The following ZKSCAN5 variants were observed in gnomAD, a reference collection of about 807,000 sequenced individuals.
ZKSCAN5 encodes the protein zinc finger with KRAB and SCAN domains 5.
A neutral mutation model predicts 60.0 loss-of-function variants in ZKSCAN5; 28 were observed. The observed-to-expected ratio is 0.47, with a 90% CI of 0.35 to 0.64. The LOEUF (loss-of-function observed/expected upper bound fraction) is 0.64. ZKSCAN5 is among the 30% of genes least tolerant of loss of function. The pLI, the probability that ZKSCAN5 is intolerant of heterozygous loss-of-function variation, is 0.01. For synonymous variants in ZKSCAN5, 361 were observed against 371.2 expected (o/e 0.97, Z 0.31); for missense variants, 881 against 1,034.6 (o/e 0.85, Z 2.04).
chr7:99,532,188 T>G lies in ZKSCAN5; in HGVS notation c.2459T>G (p.Leu820Arg). The G allele has an allele frequency of 6.2e-7, 1 of 1,612,476 alleles. No individual in the cohort carries two copies. The highest frequency in any genetic ancestry group is 1.3e-5 in the African/African-American group (1 of 75,022). The part of the protein sequence containing the change: ...FSWSCSLFKH[L>R]RSHERTDPIN... ...TGGAGTTGTAGCCTCTTTAAACACC[T>G]GAGAAGCCATGAGAGGACAGATCCC... Residue 820 changes from leucine to arginine, a missense_variant, in exon 7 of 7, where the codon CTG (leucine) becomes CGG (arginine). Physicochemically the swap from Leu to Arg is moderately radical, Grantham distance 102 (BLOSUM62 -2). Around this residue, in one of 5 missense-constraint regions of ZKSCAN5, gnomAD observed 138 missense variants for 143.8 expected, o/e 0.96. Transcript: ENST00000326775.
At chr7:99,522,513 G>T (rs1473467660) in intron 5 of ZKSCAN5, among the ~76,000 whole-genome samples, 3 of 149,926 alleles carry the variant, frequency 2.0e-5, no homozygotes, top group African/African-American at 7.4e-5. Flanking sequence ...TCGCTCTGTT[G>T]CCCAGGGAGC....
intron 6 of ZKSCAN5, among the ~76,000 whole-genome samples, chr7:99,530,419 T>C (rs1166633333): frequency 6.6e-6 from 1 of 152,202 alleles, no homozygotes; most frequent in Non-Finnish European, 1.5e-5. Context: ...TGATGATTAG[T>C]GATGTTCAGC....
chr7:99,504,830 G>C (rs1029844962), intron 1 of ZKSCAN5, 97 bp downstream of exon 1: 1 of 152,448 alleles, frequency 6.6e-6, no homozygotes, highest in African/African-American at 2.4e-5. Flanking sequence ...TTTGCGGGCT[G>C]TCAGCAAGGT....
At position 99,531,791 on chromosome 7, in the gene ZKSCAN5, A is replaced by G. The variant is rs1367074902; in HGVS notation, c.2062A>G (p.Asn688Asp). ...EHQVLHMGQK[N>D]EKNGICEEAY... ...TCAGGTGCTCCACATGGGTCAGAAA[A>G]ATGAAAAAAATGGCATCTGTGAGGA... is the stretch of plus-strand genomic sequence containing the variant. The change falls in exon 7 of 7, where the codon AAT (asparagine) becomes GAT (aspartate). Residue 688 changes from asparagine to aspartate, a missense_variant. Physicochemically the swap from Asn to Asp is conservative, Grantham distance 23 (BLOSUM62 1). This residue lies in a region of ZKSCAN5 where 112 missense variants were observed against 182.4 expected (regional missense o/e 0.61). Transcript: ENST00000326775. 1.9e-6 allele frequency: 3 copies of G among 1,614,170 alleles called. No individual in the cohort carries two copies. The highest frequency in any genetic ancestry group is 2.2e-5 in the South Asian group (2 of 91,078).
Position 99,505,747 on chromosome 7 carries a change from G to A in ZKSCAN5, c.-40-258G>A, listed in dbSNP as rs571027331. 7.9e-4 allele frequency: 215 copies of A among 271,424 alleles called. 4 individuals carry two copies. Among genetic ancestry groups the A allele is most frequent in the African/African-American group, 4.6e-3 (211 of 45,946 alleles). The allele number at this position is 271,424 out of a possible 1,614,324, so 16.8% of individuals were successfully genotyped here. On this transcript the variant is annotated intron_variant, in intron 1 of 6. Coordinates refer to ENST00000326775, the MANE Select transcript of ZKSCAN5 (RefSeq NM_145102.4). ...TAAAACTGTGTTTTAGGTTGGGCCT[G>A]ATGTCAGATTTGTATGGCTCTCTTT...
intron 3 of ZKSCAN5, among the ~76,000 whole-genome samples, chr7:99,512,979 C>A (rs1212957706): frequency 2.1e-5 from 2 of 94,072 alleles, no homozygotes. Context: ...CCTCCCCCCT[C>A]CCCCCACCCC....
rs753537333 is a variant in ZKSCAN5 at position 99,531,580 on chromosome 7, G to T, written c.1851G>T (p.Arg617Ser). The change falls in exon 7 of 7, where the codon AGG becomes AGT. Residue 617 changes from arginine (R) to serine (S), a missense_variant. Coordinates refer to ENST00000326775, the MANE Select transcript of ZKSCAN5 (RefSeq NM_145102.4). ...TATGTGGGAAAGCCTTCAGAGTGAG[G>T]TCCCACCTTGTTCAGCATCAGAGCG... ...CPLCGKAFRV[R>S]SHLVQHQSVH... The T allele has an allele frequency of 4.3e-6, 7 of 1,614,156 alleles. No individual in the cohort carries two copies. Among genetic ancestry groups the T allele is most frequent in the Non-Finnish European group, 5.9e-6 (7 of 1,180,032 alleles).
At chr7:99,512,890 A>C (rs1483621128) in intron 3 of ZKSCAN5, among the ~76,000 whole-genome samples, 1 of 151,574 alleles carries the variant, frequency 6.6e-6, no homozygotes, top group Non-Finnish European at 1.5e-5. Flanking sequence ...GGTTAGTTAC[A>C]TATGTATACA....
chr7:99,521,742 GAAA>G, intron 5 of ZKSCAN5, among the ~76,000 whole-genome samples: 1 of 150,924 alleles, frequency 6.6e-6, no homozygotes, highest in African/African-American at 2.4e-5. Context: ...AATTTTTGTG[GAAA>G]AAAATCAAAT....
intron 3 of ZKSCAN5, among the ~76,000 whole-genome samples, chr7:99,515,251 G>A (rs1334368087): frequency 6.7e-6 from 1 of 149,514 alleles, no homozygotes; most frequent in Non-Finnish European, 1.5e-5. Context: ...CTAAAAATAT[G>A]CAACAATTAT....
chr7:99,527,527 C>T (rs116485679), intron 6 of ZKSCAN5, among the ~76,000 whole-genome samples: 1,948 of 151,992 alleles, frequency 0.013, 38 homozygotes, highest in African/African-American at 0.045. Flanking sequence ...ATTAAGCGTA[C>T]ACATTTTCCA....
At chr7:99,520,857 G>A (rs757099470) in intron 5 of ZKSCAN5, among the ~76,000 whole-genome samples, 2 of 152,080 alleles carry the variant, frequency 1.3e-5, no homozygotes, top group African/African-American at 4.8e-5. Context: ...AAAATCAGCC[G>A]GGCGTGGTGG....
Position 99,531,158 on chromosome 7 carries a change from T to A in ZKSCAN5, c.1429T>A (p.Ser477Thr), listed in dbSNP as rs1375917061. 6 of 1,604,156 alleles carry A rather than the reference T, an allele frequency of 3.7e-6. No individual in the cohort carries two copies. Among genetic ancestry groups the A allele is most frequent in the Non-Finnish European group, 4.2e-6 (5 of 1,177,558 alleles). ...AAAATTAAGTGTTAAGAAGAAAATT[T>A]CAGAATATTCAGAAGCAGACATGGA... ...NTKLSVKKKI[S>T]EYSEADMELS... The change falls in exon 7 of 7, where the codon TCA (serine) becomes ACA (threonine). Residue 477 changes from serine to threonine, a missense_variant. This residue lies in a region of ZKSCAN5 where 490 missense variants were observed against 554.5 expected (regional missense o/e 0.88). Coordinates refer to ENST00000326775, the MANE Select transcript of ZKSCAN5 (RefSeq NM_145102.4).
chr7:99,509,895 G>A (rs1800940221), intron 2 of ZKSCAN5, among the ~76,000 whole-genome samples: 1 of 152,030 alleles, frequency 6.6e-6, no homozygotes, highest in Non-Finnish European at 1.5e-5. Context: ...AGTTGTAAGC[G>A]TTATTTATCC....
chr7:99,532,345 C>T lies in ZKSCAN5; in HGVS notation c.*96C>T. The T allele has an allele frequency of 8.3e-7, 1 of 1,199,420 alleles. No homozygotes were observed. The highest frequency in any genetic ancestry group is 1.1e-6 in the Non-Finnish European group (1 of 873,126). The allele number at this position is 1,199,420 out of a possible 1,614,324, so 74.3% of individuals were successfully genotyped here. On this transcript the variant is annotated 3_prime_UTR_variant, in exon 7 of 7. Coordinates refer to ENST00000326775, the MANE Select transcript of ZKSCAN5 (RefSeq NM_145102.4). ...TCAAGCATTTTTCCAGCGTTACCAT[C>T]AAACTCACAAATAGGTTGAAATCCT...
intron 3 of ZKSCAN5, among the ~76,000 whole-genome samples, chr7:99,513,026 G>A (rs1480467722): frequency 7.8e-6 from 1 of 128,288 alleles, no homozygotes; most frequent in African/African-American, 3.1e-5. Flanking sequence ...CCCTTCCTGT[G>A]TCCATGTGTT....
chr7:99,533,736 T>G lies in ZKSCAN5; in HGVS notation c.*1487T>G. ...GGCCAAGCTAGACTTTTTCTGAGCC[T>G]TCATCCGTGCTAAGCTCTCTCCCTT... On this transcript the variant is annotated 3_prime_UTR_variant, in exon 7 of 7. Transcript: ENST00000326775. 1 of 398,486 alleles carries G rather than the reference T, an allele frequency of 2.5e-6. No homozygotes were observed. The highest frequency in any genetic ancestry group is 4.4e-6 in the Non-Finnish European group (1 of 226,296). 24.7% of individuals were successfully genotyped at this position (398,486 alleles called of 1,614,324 possible). A position where few individuals can be genotyped will look rare whatever the true frequency, so the allele number is the denominator to read the frequency against.
chr7:99,530,631 G>T (rs116324982), intron 6 of ZKSCAN5, among the ~76,000 whole-genome samples: 1,949 of 152,154 alleles, frequency 0.013, 38 homozygotes, highest in African/African-American at 0.045. Context: ...CTTTTCGTCA[G>T]AAAATTCCAA....
chr7:99,524,718 C>T (rs1234298867), intron 5 of ZKSCAN5, among the ~76,000 whole-genome samples: 2 of 152,094 alleles, frequency 1.3e-5, no homozygotes, highest in Non-Finnish European at 2.9e-5. Flanking sequence ...GAAAGAATGT[C>T]TTTTTTCTTT....
Sources: gnomAD v4.1 joint callset for allele counts (sites outside exome capture counted in the v4.1 genomes callset) on GRCh38, gnomAD v4.1.1 for gene constraint, gnomAD v4.1.1 regional missense constraint, MANE v1.5 for transcripts, NCBI Gene and HGNC (gene_info 2026-07-23, HGNC 2026-07-21) for gene names.